The following ZNF385D variants were observed in gnomAD, a reference collection of about 807,000 sequenced individuals.
ZNF385D encodes zinc finger protein 385D.
ZNF385D carries 15 observed loss-of-function variants against 35.8 expected under a neutral mutation model. That is an observed-to-expected ratio of 0.42 (90% CI 0.28 to 0.64). ZNF385D has a LOEUF of 0.64. Among genes scored for constraint, ZNF385D ranks in the 30% least tolerant of loss-of-function variants. The pLI, the probability that ZNF385D is intolerant of heterozygous loss-of-function variation, is 0.23. For missense variants in ZNF385D, 474 were observed against 494.6 expected, an observed-to-expected ratio of 0.96 and a Z score of 0.39; for synonymous variants, 212 against 186.8, an observed-to-expected ratio of 1.13 and a Z score of -1.10.
chr3:22,017,026 T>C (rs1312518416), intron 3 of ZNF385D, among the ~76,000 whole-genome samples: 1 of 152,090 alleles, frequency 6.6e-6, no homozygotes, highest in African/African-American at 2.4e-5. Flanking sequence ...AATTTTTTAA[T>C]GTGCAGTAGT....
intron 1 of ZNF385D, among the ~76,000 whole-genome samples, chr3:21,740,234 C>T (rs2125519970): frequency 6.6e-6 from 1 of 152,180 alleles, no homozygotes; most frequent in East Asian, 1.9e-4. Flanking sequence ...CCTGATTTCC[C>T]ACATGTGCAT....
intron 2 of ZNF385D, among the ~76,000 whole-genome samples, chr3:22,190,669 A>C (rs1195619994): frequency 6.6e-6 from 1 of 152,164 alleles, no homozygotes; most frequent in South Asian, 2.1e-4. Flanking sequence ...ATCAACATAC[A>C]AAACTGTCCC....
intron 2 of ZNF385D, among the ~76,000 whole-genome samples, chr3:22,258,446 A>T (rs547128344): frequency 2.0e-5 from 3 of 151,938 alleles, no homozygotes; most frequent in South Asian, 2.1e-4. Flanking sequence ...GAAGAGATAC[A>T]AATGTACTCT....
At chr3:21,949,494 G>A (rs1468563623) in intron 3 of ZNF385D, among the ~76,000 whole-genome samples, 1 of 150,070 alleles carries the variant, frequency 6.7e-6, no homozygotes, top group East Asian at 2.0e-4. Flanking sequence ...CTAGATGAGT[G>A]CTTTCTGAGT....
chr3:22,202,929 T>G (rs1487838284), intron 2 of ZNF385D, among the ~76,000 whole-genome samples: 1 of 152,108 alleles, frequency 6.6e-6, no homozygotes, highest in Non-Finnish European at 1.5e-5. Context: ...TAAAGTGTTT[T>G]GGGGTTCTAA....
chr3:22,105,353 A>G (rs1021828582), intron 3 of ZNF385D, among the ~76,000 whole-genome samples: 2 of 152,008 alleles, frequency 1.3e-5, no homozygotes, highest in African/African-American at 4.8e-5. Context: ...CTCACTAGAT[A>G]AACACATATA....
chr3:21,752,621 G>A (rs1575591083), upstream of ZNF385D, among the ~76,000 whole-genome samples: 2 of 152,126 alleles, frequency 1.3e-5, no homozygotes, highest in East Asian at 3.9e-4. Context: ...AGAATTTGGT[G>A]AGTGAAAGTA....
At chr3:22,123,514 A>G (rs1474293568) in intron 3 of ZNF385D, among the ~76,000 whole-genome samples, 3 of 152,292 alleles carry the variant, frequency 2.0e-5, no homozygotes, top group Non-Finnish European at 2.9e-5. Flanking sequence ...AAACTTTCCA[A>G]TTGTACTCCC....
intron 3 of ZNF385D, among the ~76,000 whole-genome samples, chr3:21,864,884 G>A (rs539439831): frequency 9.9e-5 from 15 of 151,648 alleles, no homozygotes; most frequent in Non-Finnish European, 1.9e-4. Context: ...TACAAGTGGT[G>A]TGTGAAATGA....
At chr3:22,355,364 T>G (rs1696103298) in intron 2 of ZNF385D, among the ~76,000 whole-genome samples, 1 of 152,058 alleles carries the variant, frequency 6.6e-6, no homozygotes, top group African/African-American at 2.4e-5. Context: ...AATCTATACA[T>G]CTATATTTTA....
At position 22,164,216 on chromosome 3, in the gene ZNF385D, C is replaced by CTTTTTTTTTTTTTTTT. The variant is rs571978176; in HGVS notation, c.325+4585_325+4600dup. 6.3e-3 allele frequency among the ~76,000 whole-genome samples: 471 copies of CTTTTTTTTTTTTTTTT among 74,924 alleles called. 49 individuals are homozygous for CTTTTTTTTTTTTTTTT. Among genetic ancestry groups the CTTTTTTTTTTTTTTTT allele is most frequent in the East Asian group, 0.016 (28 of 1,738 alleles). 49.2% of individuals were successfully genotyped at this position (74,924 alleles called of 152,430 possible). A position where few individuals can be genotyped will look rare whatever the true frequency, so the allele number is the denominator to read the frequency against. On this transcript the variant is annotated intron_variant, in intron 3 of 5. Transcript: ENST00000494108. ...CACTATAGGTAATACAAAAGGAGCA[C>CTTTTTTTTTTTTTTTT]TTTTTTTTTTTTTTTTTTTTTTTTT...
intron 3 of ZNF385D, among the ~76,000 whole-genome samples, chr3:22,050,695 G>T (rs1446538864): frequency 6.6e-6 from 1 of 152,134 alleles, no homozygotes; most frequent in African/African-American, 2.4e-5. Context: ...AGTTTTTAAT[G>T]AGTTAATTTC....
intron 2 of ZNF385D, among the ~76,000 whole-genome samples, chr3:22,361,615 T>G (rs1051381014): frequency 5.3e-5 from 8 of 152,076 alleles, no homozygotes; most frequent in Admixed American, 5.2e-4. Flanking sequence ...ATTCCATTCA[T>G]GTACTATCAT....
chr3:21,694,685 G>C (rs1390194460), intron 1 of ZNF385D, among the ~76,000 whole-genome samples: 1 of 152,144 alleles, frequency 6.6e-6, no homozygotes, highest in East Asian at 1.9e-4. Flanking sequence ...GACAAAAGAT[G>C]AAATCTTGGG....
At chr3:21,820,466 C>T (rs751865411) in intron 3 of ZNF385D, among the ~76,000 whole-genome samples, 12 of 151,038 alleles carry the variant, frequency 7.9e-5, no homozygotes, top group African/African-American at 1.2e-4. Context: ...AAATCAGATC[C>T]GAGAGGAAAA....
intron 3 of ZNF385D, among the ~76,000 whole-genome samples, chr3:22,082,961 T>G (rs1013583262): frequency 6.6e-6 from 1 of 152,092 alleles, no homozygotes; most frequent in Non-Finnish European, 1.5e-5. Flanking sequence ...TCCAGCAAAC[T>G]CCAACAGACC....
chr3:22,066,083 G>A (rs1279242294), intron 3 of ZNF385D, among the ~76,000 whole-genome samples: 2 of 152,104 alleles, frequency 1.3e-5, no homozygotes, highest in African/African-American at 4.8e-5. Flanking sequence ...TGTTGTCAAT[G>A]AGCAGGGAAA....
chr3:22,007,846 GTTTTC>G (rs1696316029), intron 3 of ZNF385D, among the ~76,000 whole-genome samples: 1 of 150,854 alleles, frequency 6.6e-6, no homozygotes, highest in South Asian at 2.1e-4. Context: ...AATTTATATA[GTTTTC>G]TTTTTGTTAA....
At chr3:22,184,434 T>C (rs1695488234) in intron 2 of ZNF385D, among the ~76,000 whole-genome samples, 1 of 152,164 alleles carries the variant, frequency 6.6e-6, no homozygotes, top group South Asian at 2.1e-4. Context: ...TCTCAAATCT[T>C]CAATACTGTG....
Sources: allele counts gnomAD v4.1 joint callset (sites outside exome capture counted in the v4.1 genomes callset), GRCh38; gene constraint gnomAD v4.1.1; transcripts MANE v1.5; gene names NCBI Gene and HGNC (gene_info 2026-07-23, HGNC 2026-07-21).